The following OCA2 variants were observed in gnomAD, a reference collection of about 807,000 sequenced individuals.
The protein encoded by OCA2 is OCA2 melanosomal transmembrane protein.
A neutral mutation model predicts 100.2 loss-of-function variants in OCA2; 77 were observed. That is an observed-to-expected ratio of 0.77 (90% CI 0.64 to 0.93). The LOEUF is 0.93. OCA2 is among the 40% of genes least tolerant of loss of function. The probability of loss-of-function intolerance (pLI) is 0.00; values close to 1 mark genes in which losing one functional copy is unlikely to be tolerated. For missense variants in OCA2, 1,062 were observed against 1,089.1 expected (o/e 0.98, Z 0.35); for synonymous variants, 432 against 439.2 (o/e 0.98, Z 0.21).
intron 8 of OCA2, among the ~76,000 whole-genome samples, chr15:28,015,287 C>T (rs1176607418): frequency 2.0e-5 from 3 of 152,206 alleles, no homozygotes; most frequent in Non-Finnish European, 2.9e-5. Flanking sequence ...ATTTGAACTC[C>T]AGTCCCTGAG....
intron 19 of OCA2, among the ~76,000 whole-genome samples, chr15:27,913,897 A>AAGAAAGAAAG (rs2038545341): frequency 5.6e-5 from 2 of 35,734 alleles, no homozygotes; most frequent in East Asian, 9.1e-4. Flanking sequence ...GAAAGAAAGC[A>AAGAAAGAAAG]AGCAAGCAAG....
At chr15:27,906,077 G>C (rs1289834486) in intron 19 of OCA2, among the ~76,000 whole-genome samples, 1 of 152,144 alleles carries the variant, frequency 6.6e-6, no homozygotes, top group African/African-American at 2.4e-5. Context: ...CAAAAAATAG[G>C]GTTAGTTAGA....
chr15:27,753,024 C>G (rs1390723911), downstream of OCA2, among the ~76,000 whole-genome samples: 1 of 151,984 alleles, frequency 6.6e-6, no homozygotes, highest in African/African-American at 2.4e-5. Context: ...CCAGCCATCC[C>G]TGTGGGATGA....
chr15:28,071,767 C>T (rs577517048), intron 2 of OCA2, among the ~76,000 whole-genome samples: 14 of 152,244 alleles, frequency 9.2e-5, no homozygotes, highest in Admixed American at 2.6e-4. Flanking sequence ...TAAAAAGTAA[C>T]GCAAAATAGA....
intron 21 of OCA2, among the ~76,000 whole-genome samples, chr15:27,860,731 C>T (rs879313064): frequency 6.6e-6 from 1 of 152,136 alleles, no homozygotes; most frequent in African/African-American, 2.4e-5. Flanking sequence ...TCCATGTTTT[C>T]GCTACTGTGA....
At position 27,913,843 on chromosome 15, in the gene OCA2, GAAA is replaced by G. The variant is rs1567097649; in HGVS notation, c.2079+12281_2079+12283del. ...GAAAGAAAGAAAGAAAGAAAGGAAAGAAAGAAAGAAAGAAAGAAAGAAAGAAAG... is the reference window on the plus strand; with the variant it reads ...GAAAGAAAGAAAGAAAGAAAGGAAAGGAAAGAAAGAAAGAAAGAAAGAAAG... On this transcript the variant is annotated intron_variant, in intron 19 of 23. Transcript: ENST00000354638. 7.3e-3 allele frequency among the ~76,000 whole-genome samples: 181 copies of G among 24,856 alleles called. 1 individual carries two copies. Among genetic ancestry groups the G allele is most frequent in the Middle Eastern group, 0.038 (1 of 26 alleles). 16.3% of individuals were successfully genotyped at this position (24,856 alleles called of 152,430 possible). A position where few individuals can be genotyped will look rare whatever the true frequency, so the allele number is the denominator to read the frequency against.
chr15:27,890,506 C>T (rs868503295), intron 19 of OCA2, among the ~76,000 whole-genome samples: 3 of 152,300 alleles, frequency 2.0e-5, no homozygotes, highest in Non-Finnish European at 1.5e-5. Context: ...ATTCAAATGG[C>T]AGCAAATTTC....
intron 23 of OCA2, among the ~76,000 whole-genome samples, chr15:27,809,816 G>T (rs1394354256): frequency 1.3e-5 from 2 of 152,132 alleles, no homozygotes; most frequent in Admixed American, 6.5e-5. Context: ...AACCAAGGAG[G>T]TCGAAGACCT....
intron 23 of OCA2, among the ~76,000 whole-genome samples, chr15:27,761,207 C>T (rs1398695870): frequency 6.6e-6 from 1 of 151,070 alleles, no homozygotes; most frequent in East Asian, 1.9e-4. Flanking sequence ...CAAAACAAAA[C>T]ATTTCTAAAA....
chr15:27,849,267 T>A (rs574985601), intron 22 of OCA2, among the ~76,000 whole-genome samples: 1 of 151,236 alleles, frequency 6.6e-6, no homozygotes, highest in East Asian at 1.9e-4. Context: ...GCCTGAGTTG[T>A]TGAGAAAATA....
intron 15 of OCA2, among the ~76,000 whole-genome samples, chr15:27,966,265 G>A (rs971790513): frequency 2.0e-5 from 3 of 152,108 alleles, no homozygotes; most frequent in Non-Finnish European, 4.4e-5. Context: ...GTGAGCCACC[G>A]TGCCTGGCCT....
At chr15:27,986,878 C>T (rs2041372571) in intron 11 of OCA2, among the ~76,000 whole-genome samples, 1 of 152,148 alleles carries the variant, frequency 6.6e-6, no homozygotes, top group Admixed American at 6.5e-5. Context: ...AGGGATTTGT[C>T]CTCAAGGCAC....
At chr15:27,988,053 G>A (rs533722306) in intron 11 of OCA2, among the ~76,000 whole-genome samples, 14 of 152,242 alleles carry the variant, frequency 9.2e-5, no homozygotes, top group Admixed American at 2.6e-4. Flanking sequence ...GTAGCTTCAC[G>A]TGAATACGCA....
intron 15 of OCA2, among the ~76,000 whole-genome samples, chr15:27,965,374 A>G (rs1373023644): frequency 6.6e-6 from 1 of 152,230 alleles, no homozygotes; most frequent in Non-Finnish European, 1.5e-5. Context: ...TCCAGCCCCC[A>G]GGTAAGATGA....
At chr15:28,013,893 G>C (rs2042308960) in intron 9 of OCA2, among the ~76,000 whole-genome samples, 1 of 152,216 alleles carries the variant, frequency 6.6e-6, no homozygotes. Flanking sequence ...GAACTGAAGA[G>C]ATGTAAGAGA....
rs199706303 is a variant in OCA2, at chr15:27,989,582, C to T, written c.1182+19G>A. On this transcript the variant is annotated intron_variant, in intron 11 of 23. Transcript: ENST00000354638. Reference sequence around the variant, plus strand: ...ACCGCAGGCGTGGAGCCCAGTCCCACGGGGAGAGCTGTAATTACCATGCCA... The same window carrying T: ...ACCGCAGGCGTGGAGCCCAGTCCCATGGGGAGAGCTGTAATTACCATGCCA... 39 of 1,611,470 alleles carry T rather than the reference C, an allele frequency of 2.4e-5. No homozygotes were observed. The East Asian group carries it at 2.5e-4, about 10-fold the overall frequency.
At chr15:28,060,007 G>A (rs1164276522) in intron 2 of OCA2, among the ~76,000 whole-genome samples, 1 of 152,254 alleles carries the variant, frequency 6.6e-6, no homozygotes, top group East Asian at 1.9e-4. Context: ...GGGGAAGGCT[G>A]TGGGCGAGCA....
At chr15:27,964,850 C>T (rs2140800067) in intron 15 of OCA2, among the ~76,000 whole-genome samples, 1 of 152,266 alleles carries the variant, frequency 6.6e-6, no homozygotes, top group African/African-American at 2.4e-5. Context: ...GGTCTTAGCC[C>T]GGCCATAGGG....
intron 3 of OCA2, among the ~76,000 whole-genome samples, chr15:28,030,573 T>C (rs1192550375): frequency 6.6e-6 from 1 of 151,550 alleles, no homozygotes; most frequent in Non-Finnish European, 1.5e-5. Flanking sequence ...GGAGCCAGAG[T>C]ATTTGGAGGC....
Sources: gnomAD v4.1 joint callset for allele counts (sites outside exome capture counted in the v4.1 genomes callset) on GRCh38, gnomAD v4.1.1 for gene constraint, MANE v1.5 for transcripts, NCBI Gene and HGNC (gene_info 2026-07-23, HGNC 2026-07-21) for gene names.